AK3: variants seen among roughly 807,000 people sequenced by gnomAD.
The protein encoded by AK3 is GTP:AMP phosphotransferase AK3, mitochondrial.
A neutral mutation model predicts 23.7 loss-of-function variants in AK3; 27 were observed. The observed-to-expected ratio is 1.14, with a 90% CI of 0.84 to 1.57. The LOEUF is 1.57. AK3 is among the 40% of genes most tolerant of loss of function. The pLI, the probability that AK3 is intolerant of heterozygous loss-of-function variation, is 0.00. For missense variants in AK3, 406 were observed against 285.6 expected (o/e 1.42, Z -3.04); for synonymous variants, 159 against 116.0 (o/e 1.37, Z -2.38).
At chr9:4,716,805 C>A (rs747144924) in intron 4 of AK3, among the ~76,000 whole-genome samples, 19 of 152,092 alleles carry the variant, frequency 1.2e-4, no homozygotes, top group Non-Finnish European at 2.6e-4. Flanking sequence ...GTGGCACGGG[C>A]CTATAGTCCT....
At chr9:4,725,847 A>C (rs1284829603) in intron 1 of AK3, among the ~76,000 whole-genome samples, 1 of 152,214 alleles carries the variant, frequency 6.6e-6, no homozygotes, top group Non-Finnish European at 1.5e-5. Flanking sequence ...AGGGAAGTCA[A>C]ATGAAAACCA....
chr9:4,719,464 G>A (rs544650677), intron 2 of AK3, among the ~76,000 whole-genome samples, 157 bp from the exon 3 acceptor site: 45 of 152,214 alleles, frequency 3.0e-4, no homozygotes, highest in African/African-American at 8.7e-4. Flanking sequence ...TCACAGCTGC[G>A]GTGCAACTGT....
intron 3 of AK3, 81 bp from the exon 4 acceptor site, chr9:4,718,618 C>G: frequency 8.8e-7 from 1 of 1,130,258 alleles, no homozygotes; most frequent in Non-Finnish European, 1.3e-6. Context: ...TATTTTTAAA[C>G]AGACATCTCT....
chr9:4,738,423 C>G (rs1185460132), intron 1 of AK3, among the ~76,000 whole-genome samples: 1 of 152,144 alleles, frequency 6.6e-6, no homozygotes, highest in Non-Finnish European at 1.5e-5. Flanking sequence ...ACCTCAGCCT[C>G]CCAAAGTGCT....
rs902078235 is a variant in AK3 at position 4,740,997 on chromosome 9, A to G, written c.91T>C (p.Phe31Leu). Residue 31 changes from phenylalanine to leucine, a missense_variant, in exon 1 of 5, where the codon TTC (phenylalanine) becomes CTC (leucine). Physicochemically the swap from Phe to Leu is conservative, Grantham distance 22. Transcript: ENST00000381809. ...CCGCTGGAGAGGTGCTTCAGCTCGAAGTGTGTAGTGATGCGCGACGACACG... is the reference window on the plus strand; with the variant it reads ...CCGCTGGAGAGGTGCTTCAGCTCGAGGTGTGTAGTGATGCGCGACGACACG... Reference protein sequence around the residue: ...GTVSSRITTHFELKHLSSGDL... With the variant: ...GTVSSRITTHLELKHLSSGDL... 1.3e-6 allele frequency: 2 copies of G among 1,594,626 alleles called. No homozygotes were observed. The highest frequency in any genetic ancestry group is 1.4e-5 in the African/African-American group (1 of 72,372).
intron 1 of AK3, among the ~76,000 whole-genome samples, chr9:4,724,562 T>C (rs1286378641): frequency 6.6e-6 from 1 of 152,170 alleles, no homozygotes; most frequent in Non-Finnish European, 1.5e-5. Flanking sequence ...AAACTATGTC[T>C]AAAGCCAACG....
Position 4,719,203 on chromosome 9 carries a change from T to C in AK3, c.376A>G (p.Thr126Ala). The C allele has an allele frequency of 6.2e-7, 1 of 1,611,904 alleles. No homozygotes were observed. Among genetic ancestry groups the C allele is most frequent in the East Asian group, 2.2e-5 (1 of 44,892 alleles). The change falls in exon 3 of 5, where the codon ACT (threonine) becomes GCT (alanine). Residue 126 changes from threonine (T) to alanine (A), a missense_variant. Coordinates refer to ENST00000381809, the MANE Select transcript of AK3 (RefSeq NM_016282.4). ...CTGGCGGGATGAATCCAGCGAGCAG[T>C]AAGGCGTTGTTTAATGACCTCAAAG... ...VPFEVIKQRL[T>A]ARWIHPASGR... is the part of the protein sequence containing the mutation.
chr9:4,728,215 CTT>C (rs1292660528), intron 1 of AK3, among the ~76,000 whole-genome samples: 1 of 152,116 alleles, frequency 6.6e-6, no homozygotes. Context: ...TGCCACAAAA[CTT>C]AGATTTGTAA....
At chr9:4,737,315 T>C (rs973866499) in intron 1 of AK3, among the ~76,000 whole-genome samples, 2 of 152,192 alleles carry the variant, frequency 1.3e-5, no homozygotes, top group African/African-American at 2.4e-5. Context: ...GTCTAATTCA[T>C]GTCTATCTCA....
intron 1 of AK3, among the ~76,000 whole-genome samples, chr9:4,740,395 T>C (rs974579503): frequency 6.6e-6 from 1 of 151,978 alleles, no homozygotes; most frequent in African/African-American, 2.4e-5. Context: ...GATATCAAAA[T>C]GAGATAATTT....
rs1409842608 is a variant in AK3, at chr9:4,728,469, G to A, written c.152-5844C>T. On this transcript the variant is annotated intron_variant, in intron 1 of 4. Coordinates refer to ENST00000381809, the MANE Select transcript of AK3 (RefSeq NM_016282.4). ...GCCTGTAGTCCCAGCTACCTGGGAG[G>A]CTGAGGCAGGAGAAGTGCTTGAACC... Among the ~76,000 whole-genome samples, 4 of 152,174 alleles carry A rather than the reference G, an allele frequency of 2.6e-5. No individual in the cohort carries two copies. The East Asian group carries it at 7.7e-4, about 29-fold the overall frequency.
chr9:4,722,687 C>A, intron 1 of AK3, 62 bp from the exon 2 acceptor site: 1 of 1,604,108 alleles, frequency 6.2e-7, no homozygotes. Context: ...CCAGGCACCT[C>A]GGAACGAGTT....
chr9:4,712,867 T>A lies in AK3; in HGVS notation c.*109A>T, dbSNP rs775444155. Reference sequence around the variant, plus strand: ...AAAATCAGTAGAAATAAAAGTAATATAATTTTCAAAGAATTCATACATACT... The same window carrying A: ...AAAATCAGTAGAAATAAAAGTAATAAAATTTTCAAAGAATTCATACATACT... On this transcript the variant is annotated 3_prime_UTR_variant, in exon 5 of 5. Coordinates refer to ENST00000381809, the MANE Select transcript of AK3 (RefSeq NM_016282.4). 4.9e-5 allele frequency: 61 copies of A among 1,248,612 alleles called. No individual in the cohort carries two copies. The highest frequency in any genetic ancestry group is 6.1e-5 in the Non-Finnish European group (56 of 913,632). The allele number at this position is 1,248,612 out of a possible 1,614,324, so 77.3% of individuals were successfully genotyped here. A position where few individuals can be genotyped will look rare whatever the true frequency, so the allele number is the denominator to read the frequency against.
At chr9:4,723,286 C>A (rs1280852844) in intron 1 of AK3, among the ~76,000 whole-genome samples, 1 of 152,016 alleles carries the variant, frequency 6.6e-6, no homozygotes, top group African/African-American at 2.4e-5. Context: ...TATGAAATAG[C>A]TGAAATTATT....
chr9:4,724,260 A>G (rs936166112), intron 1 of AK3, among the ~76,000 whole-genome samples: 1 of 151,372 alleles, frequency 6.6e-6, no homozygotes, highest in Non-Finnish European at 1.5e-5. Flanking sequence ...CAGCATTTGG[A>G]AAAAAAAATG....
chr9:4,726,155 T>A (rs1309188638), intron 1 of AK3, among the ~76,000 whole-genome samples: 1 of 152,232 alleles, frequency 6.6e-6, no homozygotes, highest in Non-Finnish European at 1.5e-5. Context: ...TTAATCTTTT[T>A]GCTGATGGAG....
intron 1 of AK3, among the ~76,000 whole-genome samples, chr9:4,734,709 T>C (rs1400509912): frequency 6.6e-6 from 1 of 152,240 alleles, no homozygotes; most frequent in Non-Finnish European, 1.5e-5. Flanking sequence ...AAACAAACTA[T>C]GGTACACCCA....
At chr9:4,720,104 T>C (rs1841855398) in intron 2 of AK3, among the ~76,000 whole-genome samples, 1 of 151,982 alleles carries the variant, frequency 6.6e-6, no homozygotes, top group African/African-American at 2.4e-5. Flanking sequence ...TTCTGAAATA[T>C]GACAAAATGA....
At chr9:4,735,939 A>AC (rs1188661181) in intron 1 of AK3, among the ~76,000 whole-genome samples, 3 of 145,690 alleles carry the variant, frequency 2.1e-5, no homozygotes, top group African/African-American at 7.4e-5. Flanking sequence ...ACATGGTGAA[A>AC]CCCCATCTCT....
Sources: allele counts gnomAD v4.1 joint callset (sites outside exome capture counted in the v4.1 genomes callset), GRCh38; gene constraint gnomAD v4.1.1; transcripts MANE v1.5; gene names NCBI Gene and HGNC (gene_info 2026-07-23, HGNC 2026-07-21).